The following ST3GAL4 variants were observed in gnomAD, a reference collection of about 807,000 sequenced individuals.
ST3GAL4 encodes the protein ST3 beta-galactoside alpha-2,3-sialyltransferase 4, also known as CMP-N-acetylneuraminate-beta-galactosamide-alpha-2,3-sialyltransferase 4.
In ST3GAL4, 24 loss-of-function variants were observed where a neutral mutation model predicts 42.6. That is an observed-to-expected ratio of 0.56 (90% CI 0.41 to 0.79). The LOEUF (loss-of-function observed/expected upper bound fraction) is 0.79. Ranked by LOEUF, ST3GAL4 falls within the 30% of genes least tolerant of loss-of-function variation. The pLI is 0.00. For missense variants in ST3GAL4, 311 were observed against 430.8 expected (o/e 0.72, Z 2.46); for synonymous variants, 135 against 163.2 (o/e 0.83, Z 1.32).
At chr11:126,412,640 G>A (rs954152357) in intron 9 of ST3GAL4, among the ~76,000 whole-genome samples, 5 of 152,266 alleles carry the variant, frequency 3.3e-5, no homozygotes, top group East Asian at 1.9e-4. Context: ...CCAGGAGTTC[G>A]AGATCAGCCT....
At chr11:126,377,631 T>C (rs1952870856) in intron 1 of ST3GAL4, among the ~76,000 whole-genome samples, 1 of 151,910 alleles carries the variant, frequency 6.6e-6, no homozygotes, top group African/African-American at 2.4e-5. Flanking sequence ...AATACAGGCG[T>C]GTGCCACCAC....
intron 1 of ST3GAL4, among the ~76,000 whole-genome samples, chr11:126,369,238 C>A (rs554073185): frequency 1.8e-4 from 27 of 148,024 alleles, no homozygotes; most frequent in African/African-American, 6.6e-4. Flanking sequence ...CTTTTTCTTT[C>A]TCTCTCTCTC....
intron 6 of ST3GAL4, 148 bp from the exon 7 acceptor site, chr11:126,407,951 A>C (rs566688520): frequency 1.1e-6 from 1 of 906,656 alleles, no homozygotes; most frequent in South Asian, 1.7e-5. Flanking sequence ...CATGACCCTA[A>C]GCAGGACCAC....
chr11:126,377,455 G>A (rs1952863243), intron 1 of ST3GAL4, among the ~76,000 whole-genome samples: 1 of 149,420 alleles, frequency 6.7e-6, no homozygotes, highest in Non-Finnish European at 1.5e-5. Context: ...ACAGGTGTGA[G>A]CCACCGTGCC....
chr11:126,371,250 T>C (rs768937560), intron 1 of ST3GAL4, among the ~76,000 whole-genome samples: 6 of 142,150 alleles, frequency 4.2e-5, no homozygotes, highest in Non-Finnish European at 9.1e-5. Context: ...CTGCAATCTC[T>C]GCCTCCCAGA....
intron 1 of ST3GAL4, among the ~76,000 whole-genome samples, chr11:126,377,249 T>C (rs1285020032): frequency 1.3e-5 from 2 of 152,070 alleles, no homozygotes; most frequent in African/African-American, 4.8e-5. Context: ...CAGCTCACTG[T>C]AAACTCCACC....
intron 9 of ST3GAL4, 65 bp from the exon 10 acceptor site, chr11:126,413,440 G>C: frequency 6.3e-7 from 1 of 1,588,480 alleles, no homozygotes; most frequent in Non-Finnish European, 8.6e-7. Flanking sequence ...ACTGCAGAGC[G>C]CTGGCAGAGA....
At position 126,384,060 on chromosome 11, in the gene ST3GAL4, C is replaced by G. The variant is rs1362619988; in HGVS notation, c.-60-22036C>G. On this transcript the variant is annotated intron_variant, in intron 1 of 10. Coordinates refer to ENST00000444328, the MANE Select transcript of ST3GAL4 (RefSeq NM_001254757.2). The surrounding 1 kb of genome is among the most constrained non-coding windows in gnomAD (Gnocchi z 5.5). Reference sequence around the variant, plus strand: ...TGCAGGGCCCTCTCCTCTGGCGAGCCTGCCTTGATACTCCCCGGCTCAACC... The same window carrying G: ...TGCAGGGCCCTCTCCTCTGGCGAGCGTGCCTTGATACTCCCCGGCTCAACC... Among the ~76,000 whole-genome samples the G allele has an allele frequency of 3.3e-5, 5 of 152,208 alleles. No homozygotes were observed. Among genetic ancestry groups the G allele is most frequent in the Admixed American group, 6.5e-5 (1 of 15,276 alleles).
At chr11:126,413,480 AC>A (rs745973184) in intron 9 of ST3GAL4, 24 bp from the exon 10 acceptor site, 8 of 1,612,452 alleles carry the variant, frequency 5.0e-6, no homozygotes, top group Non-Finnish European at 6.8e-6. Context: ...GCTCCCACTA[AC>A]ACCCTCCTGC....
chr11:126,371,149 T>TCTATTCTTCCCCA (rs1952624713), intron 1 of ST3GAL4, among the ~76,000 whole-genome samples: 3 of 145,372 alleles, frequency 2.1e-5, no homozygotes, highest in African/African-American at 7.7e-5. Flanking sequence ...TCTATTCTAT[T>TCTATTCTTCCCCA]CTTCCCCACA....
Position 126,410,077 on chromosome 11 carries a change from A to G in ST3GAL4, c.771+666A>G, listed in dbSNP as rs1954451611. Among the ~76,000 whole-genome samples the G allele has an allele frequency of 6.6e-6, 1 of 152,024 alleles. No individual in the cohort carries two copies. Among genetic ancestry groups the G allele is most frequent in the Non-Finnish European group, 1.5e-5 (1 of 67,996 alleles). ...GCACCATCACGCCTGGCTAATTTTT[A>G]AATTTTTTTGTAGAGATGGGGGTCT... On this transcript the variant is annotated intron_variant, in intron 9 of 10. Coordinates refer to ENST00000444328, the MANE Select transcript of ST3GAL4 (RefSeq NM_001254757.2). The surrounding 1 kb of genome is among the most constrained non-coding windows in gnomAD (Gnocchi z 5.3).
In ST3GAL4 at chr11:126,411,580, G is replaced by A. The variant is rs1954528072; in HGVS notation, c.772-1925G>A. ...TTTAGGGTGTCACAAGGCTGGACTC[G>A]GTGTGTCAACCAGACAGTTCTCATC... On this transcript the variant is annotated intron_variant, in intron 9 of 10. Coordinates refer to ENST00000444328, the MANE Select transcript of ST3GAL4 (RefSeq NM_001254757.2). This position sits in a 1 kb window ranked among gnomAD's most constrained non-coding sequence, Gnocchi z 6.3. Among the ~76,000 whole-genome samples the A allele has an allele frequency of 6.6e-6, 1 of 152,130 alleles. No individual in the cohort carries two copies. Among genetic ancestry groups the A allele is most frequent in the Non-Finnish European group, 1.5e-5 (1 of 68,018 alleles).
chr11:126,363,185 C>T lies in ST3GAL4; in HGVS notation c.-61+7343C>T, dbSNP rs1231543856. 6.6e-6 allele frequency among the ~76,000 whole-genome samples: 1 copy of T among 152,304 alleles called. No individual in the cohort carries two copies. Among genetic ancestry groups the T allele is most frequent in the South Asian group, 2.1e-4 (1 of 4,832 alleles). ...CAGTGTGGGCCGTTTCTCTAGACCT[C>T]CTGCCCCCATCTCCTTCCTGTCCCT... On this transcript the variant is annotated intron_variant, in intron 1 of 10. Transcript: ENST00000444328. This position sits in a 1 kb window ranked among gnomAD's most constrained non-coding sequence, Gnocchi z 4.6.
chr11:126,385,279 C>T (rs1278827295), intron 1 of ST3GAL4, among the ~76,000 whole-genome samples: 2 of 151,848 alleles, frequency 1.3e-5, no homozygotes, highest in Admixed American at 6.6e-5. Context: ...CTCAGCCTCC[C>T]GAGTAGGGGA....
intron 1 of ST3GAL4, among the ~76,000 whole-genome samples, chr11:126,371,163 C>CTTATTTATTTTTTTTTTTTTTTTTT (rs1555082244): frequency 1.7e-5 from 1 of 59,974 alleles, no homozygotes; most frequent in African/African-American, 7.1e-5. Context: ...CCCCACATTC[C>CTTATTTATTTTTTTTTTTTTTTTTT]TTTTTTTTTT....
At chr11:126,375,972 A>G (rs372167868) in intron 1 of ST3GAL4, among the ~76,000 whole-genome samples, 22 of 151,786 alleles carry the variant, frequency 1.4e-4, no homozygotes, top group Non-Finnish European at 2.5e-4. Context: ...TCGCCATGCA[A>G]TACATCGTTA....
chr11:126,369,775 A>G (rs953364977), intron 1 of ST3GAL4, among the ~76,000 whole-genome samples: 1 of 152,220 alleles, frequency 6.6e-6, no homozygotes, highest in Non-Finnish European at 1.5e-5. Flanking sequence ...ACAAATGGGA[A>G]TATGAGAGAA....
chr11:126,394,623 C>T lies in ST3GAL4; in HGVS notation c.-60-11473C>T, dbSNP rs150108164. Among the ~76,000 whole-genome samples the T allele has an allele frequency of 6.4e-3, 980 of 152,142 alleles. 12 individuals are homozygous for T. The highest frequency in any genetic ancestry group is 0.022 in the African/African-American group (916 of 41,474). On this transcript the variant is annotated intron_variant, in intron 1 of 10. Transcript: ENST00000444328. ...TATTTTTTATAGAGATGGGGTTTCACCATGATGCCCAGGCTGTTCTTGAAC... is the reference window on the plus strand; with the variant it reads ...TATTTTTTATAGAGATGGGGTTTCATCATGATGCCCAGGCTGTTCTTGAAC...
chr11:126,385,483 C>T (rs1446331042), intron 1 of ST3GAL4, among the ~76,000 whole-genome samples: 1 of 152,182 alleles, frequency 6.6e-6, no homozygotes, highest in African/African-American at 2.4e-5. Flanking sequence ...CCAGACAACT[C>T]ATCCCAAATT....
Sources: allele counts gnomAD v4.1 joint callset (sites outside exome capture counted in the v4.1 genomes callset), GRCh38; gene constraint gnomAD v4.1.1; non-coding constraint Gnocchi (gnomAD v3.1); transcripts MANE v1.5; gene names NCBI Gene and HGNC (gene_info 2026-07-23, HGNC 2026-07-21).